MAP3K4: variants seen among roughly 807,000 people sequenced by gnomAD.
MAP3K4 encodes MAP three kinase 1.
MAP3K4 carries 67 observed loss-of-function variants against 185.6 expected under a neutral mutation model. That is an observed-to-expected ratio of 0.36 (90% CI 0.30 to 0.44). The LOEUF (loss-of-function observed/expected upper bound fraction) is 0.44. MAP3K4 is among the 20% of genes least tolerant of loss of function. The probability of loss-of-function intolerance (pLI) is 1.00; values close to 1 mark genes in which losing one functional copy is unlikely to be tolerated. For missense variants in MAP3K4, 1,551 were observed against 1,995.1 expected (o/e 0.78, Z 4.24); for synonymous variants, 702 against 710.4 (o/e 0.99, Z 0.19).
At position 161,014,811 on chromosome 6, in the gene MAP3K4, T is replaced by C. The variant is rs1172275815; in HGVS notation, c.153-19448T>C. Among the ~76,000 whole-genome samples the C allele has an allele frequency of 2.6e-5, 4 of 152,190 alleles. No individual in the cohort carries two copies. The East Asian group carries it at 7.7e-4, about 29-fold the overall frequency. On this transcript the variant is annotated intron_variant, in intron 1 of 26. Transcript: ENST00000392142. ...AAAGTGTCCAAATCAATGGTTTTAG[T>C]ATATTCACAGATATATGCAACCATT...
intron 6 of MAP3K4, among the ~76,000 whole-genome samples, chr6:161,083,455 A>G (rs1165789833): frequency 6.6e-6 from 1 of 152,224 alleles, no homozygotes; most frequent in African/African-American, 2.4e-5. Context: ...GTTTCCAATC[A>G]GACCCCTTTC....
chr6:160,992,439 C>T (rs1471627192), intron 1 of MAP3K4: 4 of 326,538 alleles, frequency 1.2e-5, no homozygotes, highest in Non-Finnish European at 2.2e-5. Context: ...AAGTGCCTCT[C>T]ATCATTACTG....
intron 1 of MAP3K4, among the ~76,000 whole-genome samples, chr6:160,999,602 A>T (rs1470438663): frequency 2.6e-5 from 4 of 152,162 alleles, no homozygotes; most frequent in African/African-American, 9.7e-5. Context: ...CGTTTTAGAG[A>T]TGAGAAAAAT....
At chr6:161,010,118 C>T (rs1362232102) in intron 1 of MAP3K4, among the ~76,000 whole-genome samples, 2 of 152,136 alleles carry the variant, frequency 1.3e-5, no homozygotes, top group African/African-American at 2.4e-5. Context: ...ACATTTCTCC[C>T]TATTGTGTTT....
Position 161,098,623 on chromosome 6 carries a change from A to C in MAP3K4, c.3674+196A>C, listed in dbSNP as rs994509935. On this transcript the variant is annotated intron_variant, in intron 17 of 26. Coordinates refer to ENST00000392142, the MANE Select transcript of MAP3K4 (RefSeq NM_005922.4). This position sits in a 1 kb window ranked among gnomAD's most constrained non-coding sequence, Gnocchi z 4.4. ...ACCAACACGAATGGATAACTGTCTG[A>C]TGTCAGTATTTCTTTGGAGCTGATA... 4.6e-5 allele frequency among the ~76,000 whole-genome samples: 7 copies of C among 152,204 alleles called. No individual in the cohort carries two copies. The highest frequency in any genetic ancestry group is 1.5e-5 in the Non-Finnish European group (1 of 68,036).
chr6:161,012,951 C>G (rs924167399), intron 1 of MAP3K4, among the ~76,000 whole-genome samples: 1 of 152,126 alleles, frequency 6.6e-6, no homozygotes, highest in African/African-American at 2.4e-5. Context: ...CTGGAAGTTA[C>G]TACCAGTTTC....
chr6:161,016,922 ATGG>A (rs1269289532), intron 1 of MAP3K4, among the ~76,000 whole-genome samples: 3 of 152,318 alleles, frequency 2.0e-5, no homozygotes, highest in African/African-American at 7.2e-5. Flanking sequence ...TGCAGTTTGA[ATGG>A]TGAATTAATG....
chr6:161,029,952 T>C (rs938131058), intron 1 of MAP3K4, among the ~76,000 whole-genome samples: 1 of 152,214 alleles, frequency 6.6e-6, no homozygotes, highest in African/African-American at 2.4e-5. Flanking sequence ...CTAAGTTTTC[T>C]CTGGCTGCTT....
Position 161,070,885 on chromosome 6 carries a change from TTATTA to T in MAP3K4, c.1950+42_1950+46del, listed in dbSNP as rs777668251. On this transcript the variant is annotated intron_variant, in intron 4 of 26. Transcript: ENST00000392142. The surrounding 1 kb of genome is among the most constrained non-coding windows in gnomAD (Gnocchi z 4.5). ...AAAGACTCTTTAAAATATTTAGCAATTATTATATTATCCTACAGGCTTATCATTTT... is the reference window on the plus strand; with the variant it reads ...AAAGACTCTTTAAAATATTTAGCAATTATTATCCTACAGGCTTATCATTTT... 4 of 1,536,518 alleles carry T rather than the reference TTATTA, an allele frequency of 2.6e-6. No homozygotes were observed. The highest frequency in any genetic ancestry group is 1.2e-5 in the South Asian group (1 of 81,612).
intron 1 of MAP3K4, 127 bp downstream of exon 1, chr6:160,992,210 G>A (rs999579805): frequency 1.6e-6 from 2 of 1,282,860 alleles, no homozygotes; most frequent in East Asian, 3.1e-5. Context: ...CTGCAGGCTG[G>A]GGCGGGAGGG....
Position 161,108,105 on chromosome 6 carries a change from A to G in MAP3K4, c.4119+136A>G, listed in dbSNP as rs1318376781. 4 of 685,836 alleles carry G rather than the reference A, an allele frequency of 5.8e-6. No homozygotes were observed. The highest frequency in any genetic ancestry group is 2.7e-5 in the East Asian group (1 of 36,722). 42.5% of individuals were successfully genotyped at this position (685,836 alleles called of 1,614,324 possible). A position where few individuals can be genotyped will look rare whatever the true frequency, so the allele number is the denominator to read the frequency against. ...ACCAGCACTGCGACAGTCAGGACCA[A>G]CCAGGCAGATGCACTGAGATAACAC... is the stretch of plus-strand genomic sequence containing the variant. On this transcript the variant is annotated intron_variant, in intron 21 of 26. Transcript: ENST00000392142. The surrounding 1 kb of genome is among the most constrained non-coding windows in gnomAD (Gnocchi z 5.7).
In MAP3K4 at chr6:161,077,972, T is replaced by C. The variant is rs549784193; in HGVS notation, c.2098-2909T>C. On this transcript the variant is annotated intron_variant, in intron 5 of 26. Coordinates refer to ENST00000392142, the MANE Select transcript of MAP3K4 (RefSeq NM_005922.4). This position sits in a 1 kb window ranked among gnomAD's most constrained non-coding sequence, Gnocchi z 4.3. ...CAAACTCAAAGCACAAGCTTTGGGATTAGGAGGAACAGTAGTTCCTCTGCT... is the reference window on the plus strand; with the variant it reads ...CAAACTCAAAGCACAAGCTTTGGGACTAGGAGGAACAGTAGTTCCTCTGCT... 2.6e-5 allele frequency among the ~76,000 whole-genome samples: 4 copies of C among 152,294 alleles called. No homozygotes were observed. Among genetic ancestry groups the C allele is most frequent in the African/African-American group, 7.2e-5 (3 of 41,556 alleles).
chr6:161,040,327 A>G (rs868102456), intron 2 of MAP3K4, among the ~76,000 whole-genome samples: 5 of 152,320 alleles, frequency 3.3e-5, no homozygotes, highest in Middle Eastern at 6.8e-3. Flanking sequence ...TGTGTGTGCA[A>G]CCTACACACA....
At position 161,112,986 on chromosome 6, in the gene MAP3K4, T is replaced by C. The variant is rs932215436; in HGVS notation, c.4626+212T>C. Among the ~76,000 whole-genome samples the C allele has an allele frequency of 2.6e-5, 4 of 152,116 alleles. No homozygotes were observed. The highest frequency in any genetic ancestry group is 4.4e-5 in the Non-Finnish European group (3 of 68,014). On this transcript the variant is annotated intron_variant, in intron 25 of 26. Transcript: ENST00000392142. The surrounding 1 kb of genome is among the most constrained non-coding windows in gnomAD (Gnocchi z 5.1). ...AGATATCTGCCACAGAGAACTCTTA[T>C]GAGTGAATTTAAGAAGCATAAACCT...
chr6:160,992,015 G>GCCGCCGCCGCCACCA lies in MAP3K4; in HGVS notation c.90_104dup (p.Pro32_Pro36dup). On this transcript the variant is annotated inframe_insertion, in exon 1 of 27. Coordinates refer to ENST00000392142, the MANE Select transcript of MAP3K4 (RefSeq NM_005922.4). ...CCGCCATGGAGGAGCCGCCGCCACC[G>GCCGCCGCCGCCACCA]CCGCCGCCGCCACCACCGCCACCGG... 3 of 1,531,514 alleles carry GCCGCCGCCGCCACCA rather than the reference G, an allele frequency of 2.0e-6. No homozygotes were observed. The highest frequency in any genetic ancestry group is 3.8e-5 in the Admixed American group (2 of 52,450). The allele number at this position is 1,531,514 out of a possible 1,614,324, so 94.9% of individuals were successfully genotyped here.
rs1422796902 is a variant in MAP3K4 at position 161,091,064 on chromosome 6, T to C, written c.2974-315T>C. ...TCACTCTGTGGAATTGCACCCGTAC[T>C]TATGGTTGAGCAACCGTCCAGGAGG... On this transcript the variant is annotated intron_variant, in intron 11 of 26. Coordinates refer to ENST00000392142, the MANE Select transcript of MAP3K4 (RefSeq NM_005922.4). This position sits in a 1 kb window ranked among gnomAD's most constrained non-coding sequence, Gnocchi z 5.5. Among the ~76,000 whole-genome samples the C allele has an allele frequency of 6.6e-6, 1 of 152,180 alleles. No homozygotes were observed.
intron 3 of MAP3K4, among the ~76,000 whole-genome samples, chr6:161,057,222 G>C (rs1439424361): frequency 1.3e-5 from 2 of 152,128 alleles, no homozygotes; most frequent in Non-Finnish European, 2.9e-5. Flanking sequence ...GTACACACAG[G>C]AAACACTGAA....
Position 161,063,219 on chromosome 6 carries a change from C to A in MAP3K4, c.1708-7389C>A, listed in dbSNP as rs1229513486. On this transcript the variant is annotated intron_variant, in intron 3 of 26. Transcript: ENST00000392142. This position sits in a 1 kb window ranked among gnomAD's most constrained non-coding sequence, Gnocchi z 5.4. ...TATCACTGAGGTTTTTTTTCTAATT[C>A]TAATTTTTGTCATTATTTTATATTT... 2.0e-5 allele frequency among the ~76,000 whole-genome samples: 3 copies of A among 151,372 alleles called. No homozygotes were observed. The highest frequency in any genetic ancestry group is 7.3e-5 in the African/African-American group (3 of 41,220).
Position 161,109,592 on chromosome 6 carries a change from A to C in MAP3K4, c.4237-163A>C, listed in dbSNP as rs1778255608. Among the ~76,000 whole-genome samples, 1 of 152,170 alleles carries C rather than the reference A, an allele frequency of 6.6e-6. No homozygotes were observed. The highest frequency in any genetic ancestry group is 2.4e-5 in the African/African-American group (1 of 41,436). ...CAGACACCTCTATAGAGGACTTAGA[A>C]ACGACTGTTGTGAGACACATTCAGT... On this transcript the variant is annotated intron_variant, in intron 22 of 26. Transcript: ENST00000392142. The surrounding 1 kb of genome is among the most constrained non-coding windows in gnomAD (Gnocchi z 5.7).
Sources: allele counts gnomAD v4.1 joint callset (sites outside exome capture counted in the v4.1 genomes callset), GRCh38; gene constraint gnomAD v4.1.1; non-coding constraint Gnocchi (gnomAD v3.1); transcripts MANE v1.5; gene names NCBI Gene and HGNC (gene_info 2026-07-23, HGNC 2026-07-21).